The following DOCK1 variants were observed in gnomAD, a reference collection of about 807,000 sequenced individuals.
DOCK1 encodes the protein dedicator of cytokinesis protein 1.
In DOCK1, 138 loss-of-function variants were observed where a neutral mutation model predicts 262.7. That is an observed-to-expected ratio of 0.53 (90% confidence interval 0.46 to 0.61). The LOEUF (loss-of-function observed/expected upper bound fraction) is 0.61. Among genes scored for constraint, DOCK1 ranks in the 20% least tolerant of loss-of-function variants. The probability of loss-of-function intolerance (pLI) is 0.00; values close to 1 mark genes in which losing one functional copy is unlikely to be tolerated. For missense variants in DOCK1, 1,908 were observed against 2,370.7 expected (o/e 0.80, Z 4.05); for synonymous variants, 866 against 867.4 (o/e 1.00, Z 0.03).
At chr10:127,024,006 C>T (rs571544442) in intron 14 of DOCK1, among the ~76,000 whole-genome samples, 165 of 152,280 alleles carry the variant, frequency 1.1e-3, no homozygotes, top group African/African-American at 3.7e-3. Context: ...GATCTGCTTC[C>T]GTGGCCACAG....
At chr10:127,018,140 A>G (rs908198886) in intron 12 of DOCK1, among the ~76,000 whole-genome samples, 1 of 152,178 alleles carries the variant, frequency 6.6e-6, no homozygotes, top group African/African-American at 2.4e-5. Flanking sequence ...GCACTGTGGT[A>G]CAGAGGGCCT....
At chr10:126,927,000 A>G (rs1242293317) in intron 1 of DOCK1, among the ~76,000 whole-genome samples, 2 of 152,208 alleles carry the variant, frequency 1.3e-5, no homozygotes, top group African/African-American at 4.8e-5. Flanking sequence ...CAGGGGAAAA[A>G]GTATTTCTGT....
At chr10:127,011,363 T>G (rs1328130007) in intron 11 of DOCK1, among the ~76,000 whole-genome samples, 1 of 152,230 alleles carries the variant, frequency 6.6e-6, no homozygotes, top group African/African-American at 2.4e-5. Context: ...TCCCTCCCTG[T>G]CTTTTTTAAC....
chr10:127,132,307 C>T (rs2050371928), intron 27 of DOCK1, among the ~76,000 whole-genome samples: 1 of 152,080 alleles, frequency 6.6e-6, no homozygotes, highest in Non-Finnish European at 1.5e-5. Context: ...CGAAGTATTA[C>T]ATCCTTAAGA....
At chr10:127,300,207 G>A (rs190405809) in intron 29 of DOCK1, among the ~76,000 whole-genome samples, 1 of 152,268 alleles carries the variant, frequency 6.6e-6, no homozygotes, top group African/African-American at 2.4e-5. Flanking sequence ...GAACTCTTGG[G>A]AATTGCCGCC....
chr10:127,124,758 A>T (rs1010778613), intron 25 of DOCK1, among the ~76,000 whole-genome samples: 1 of 152,306 alleles, frequency 6.6e-6, no homozygotes, highest in Non-Finnish European at 1.5e-5. Flanking sequence ...ACATTCCAAG[A>T]TTGGCATCTT....
chr10:127,149,448 C>T (rs1361257121), intron 27 of DOCK1, among the ~76,000 whole-genome samples: 1 of 152,168 alleles, frequency 6.6e-6, no homozygotes, highest in African/African-American at 2.4e-5. Context: ...TTATTTTTCA[C>T]AGAGAAATAT....
Position 127,000,289 on chromosome 10 carries a change from C to T in DOCK1, c.967C>T (p.Arg323Ter), listed in dbSNP as rs772785460. 3.7e-6 allele frequency: 6 copies of T among 1,613,904 alleles called. No individual in the cohort carries two copies. The highest frequency in any genetic ancestry group is 1.3e-5 in the African/African-American group (1 of 75,048). The change falls in exon 10 of 52, where the codon CGA (arginine) becomes TGA (stop). Residue 323 changes from arginine to a stop codon, truncating the protein, a stop_gained. Transcript: ENST00000623213. LOFTEE classifies it high-confidence loss of function. ...NTRKLTSGLR[R>*]PFGVAVMDVT... ...CAGGAAACTGACCTCGGGGTTGCGG[C>T]GACCTTTTGGAGTGGCTGGTAATCT...
intron 27 of DOCK1, among the ~76,000 whole-genome samples, chr10:127,233,243 A>C (rs1330264366): frequency 6.6e-6 from 1 of 152,244 alleles, no homozygotes; most frequent in Non-Finnish European, 1.5e-5. Flanking sequence ...TTTGGTAATT[A>C]GGAAGTGCAA....
chr10:126,981,723 A>G (rs2038990865), intron 3 of DOCK1, among the ~76,000 whole-genome samples, 195 bp from the exon 4 acceptor site: 2 of 152,130 alleles, frequency 1.3e-5, no homozygotes, highest in African/African-American at 4.8e-5. Flanking sequence ...CTTCTAAGAC[A>G]TCGGCAGACT....
At chr10:126,950,590 T>G (rs1430039100) in intron 1 of DOCK1, among the ~76,000 whole-genome samples, 3 of 152,060 alleles carry the variant, frequency 2.0e-5, no homozygotes, top group Non-Finnish European at 1.5e-5. Context: ...CTGCAGCCTT[T>G]GTTGTGGACG....
chr10:127,186,506 C>CG (rs1564883615), intron 27 of DOCK1, among the ~76,000 whole-genome samples: 1 of 19,176 alleles, frequency 5.2e-5, no homozygotes, highest in African/African-American at 1.9e-4. Context: ...TGGGAGAAAC[C>CG]GCCCCCCCGC....
At chr10:127,041,489 T>C (rs2135624408) in intron 19 of DOCK1, among the ~76,000 whole-genome samples, 1 of 152,358 alleles carries the variant, frequency 6.6e-6, no homozygotes, top group Admixed American at 6.5e-5. Flanking sequence ...ACATTTGTAT[T>C]GATTCTGCTT....
rs773717326 is a variant in DOCK1 at position 127,339,027 on chromosome 10, T to G, written c.3066T>G (p.Asn1022Lys). The G allele has an allele frequency of 4.0e-5, 63 of 1,582,848 alleles. No individual in the cohort carries two copies. The highest frequency in any genetic ancestry group is 6.0e-6 in the Non-Finnish European group (7 of 1,163,900). The stretch of plus-strand genomic sequence containing the variant: ...TCAGAGTCTTCCTGCGAGCAATTAA[T>G]CAGTATGCAGATATGCTGAACAAAA... ...VQNKVFLRAI[N>K]QYADMLNKKF... Residue 1022 changes from asparagine (N) to lysine (K), a missense_variant, in exon 30 of 52, where the codon AAT becomes AAG. By Grantham distance (94) the Asn-to-Lys change is moderately conservative (BLOSUM62 0). This residue lies in a region of DOCK1 where 518 missense variants were observed against 575.1 expected (regional missense o/e 0.90). Coordinates refer to ENST00000623213, the MANE Select transcript of DOCK1 (RefSeq NM_001290223.2).
chr10:126,950,817 T>C (rs2036149931), intron 1 of DOCK1, among the ~76,000 whole-genome samples: 1 of 152,168 alleles, frequency 6.6e-6, no homozygotes, highest in Non-Finnish European at 1.5e-5. Context: ...TTGGAGTTTC[T>C]GGTCTTTCCC....
In DOCK1 at chr10:127,433,412, A is replaced by G. The variant is rs1190718970; in HGVS notation, c.5044A>G (p.Arg1682Gly). ...CCTCTCATCGGACAGCACCCCTTCC[A>G]GACCAGGCTCCGACGGGTGAGTCAA... ...SSLSSDSTPS[R>G]PGSDGFALEP... is the part of the protein sequence containing the mutation. Residue 1682 changes from arginine (R) to glycine (G), a missense_variant, in exon 48 of 52, where the codon AGA (arginine) becomes GGA (glycine). Arg to Gly is a moderately radical substitution (Grantham distance 125). Transcript: ENST00000623213. 1 of 1,613,920 alleles carries G rather than the reference A, an allele frequency of 6.2e-7. No homozygotes were observed. The highest frequency in any genetic ancestry group is 8.5e-7 in the Non-Finnish European group (1 of 1,179,880).
At chr10:127,321,153 G>A (rs1255880899) in intron 29 of DOCK1, among the ~76,000 whole-genome samples, 1 of 151,878 alleles carries the variant, frequency 6.6e-6, no homozygotes, top group Non-Finnish European at 1.5e-5. Context: ...CCCGCGTCTT[G>A]CGCTGTTTCC....
At chr10:127,042,868 T>C (rs1330694415) in intron 20 of DOCK1, among the ~76,000 whole-genome samples, 154 bp downstream of exon 20, 1 of 152,164 alleles carries the variant, frequency 6.6e-6, no homozygotes, top group African/African-American at 2.4e-5. Context: ...CAGATTTTTT[T>C]TCTCTTTTTT....
At chr10:127,261,250 T>C (rs2060082359) in intron 29 of DOCK1, among the ~76,000 whole-genome samples, 1 of 140,882 alleles carries the variant, frequency 7.1e-6, no homozygotes, top group Non-Finnish European at 1.5e-5. Flanking sequence ...TACCTGCATG[T>C]GTGTGCATGT....
Sources: gnomAD v4.1 joint callset for allele counts (sites outside exome capture counted in the v4.1 genomes callset) on GRCh38, gnomAD v4.1.1 for gene constraint, gnomAD v4.1.1 regional missense constraint, MANE v1.5 for transcripts, NCBI Gene and HGNC (gene_info 2026-07-23, HGNC 2026-07-21) for gene names.